Variants in HPCAL1 observed in about 807,000 individuals in gnomAD.
HPCAL1 encodes the protein hippocalcin-like protein 1.
In HPCAL1, 8 loss-of-function variants were observed where a neutral mutation model predicts 17.1. The ratio of observed to expected loss-of-function variants is 0.47; its 90% CI spans 0.27 to 0.84. HPCAL1 has a LOEUF of 0.84. Among genes scored for constraint, HPCAL1 ranks in the 40% least tolerant of loss-of-function variants. The probability of loss-of-function intolerance (pLI) is 0.13; values close to 1 mark genes in which losing one functional copy is unlikely to be tolerated. For missense variants in HPCAL1, 165 were observed against 271.1 expected, an observed-to-expected ratio of 0.61 and a Z score of 2.75; for synonymous variants, 112 against 111.4, an observed-to-expected ratio of 1.01 and a Z score of -0.03.
chr2:10,375,371 G>T (rs1667488538), intron 1 of HPCAL1, among the ~76,000 whole-genome samples: 1 of 152,196 alleles, frequency 6.6e-6, no homozygotes, highest in Non-Finnish European at 1.5e-5. Flanking sequence ...TGGACACTCA[G>T]TGGCCCCTCC....
At chr2:10,341,742 G>A (rs558344604) in intron 1 of HPCAL1, among the ~76,000 whole-genome samples, 33 of 152,270 alleles carry the variant, frequency 2.2e-4, no homozygotes, top group African/African-American at 7.7e-4. Flanking sequence ...GGCATTGGCT[G>A]GGTCCAACGC....
At chr2:10,397,093 G>A (rs1414586332) in intron 2 of HPCAL1, among the ~76,000 whole-genome samples, 173 bp downstream of exon 2, 1 of 152,198 alleles carries the variant, frequency 6.6e-6, no homozygotes, top group Non-Finnish European at 1.5e-5. Context: ...CCCCTAGACA[G>A]GTCAGGAAAC....
At chr2:10,375,869 G>A (rs1215484138) in intron 1 of HPCAL1, among the ~76,000 whole-genome samples, 4 of 152,166 alleles carry the variant, frequency 2.6e-5, no homozygotes, top group African/African-American at 7.2e-5. Flanking sequence ...GAGTAGCTGC[G>A]GAGACAATAA....
chr2:10,378,630 G>A lies in HPCAL1; in HGVS notation c.-110-18205G>A, dbSNP rs1247435174. 2.6e-5 allele frequency among the ~76,000 whole-genome samples: 4 copies of A among 152,148 alleles called. No individual in the cohort carries two copies. The East Asian group carries it at 5.8e-4, about 22-fold the overall frequency. On this transcript the variant is annotated intron_variant, in intron 1 of 4. Transcript: ENST00000307845. Reference sequence around the variant, plus strand: ...GGGGCCTCACTCTCCTGACCTCACCGCAACCTAATTACTTTCCAAAGGCCC... The same window carrying A: ...GGGGCCTCACTCTCCTGACCTCACCACAACCTAATTACTTTCCAAAGGCCC...
At chr2:10,399,436 CCACCAT>C (rs1669384639) in intron 2 of HPCAL1, among the ~76,000 whole-genome samples, 2 of 76,612 alleles carry the variant, frequency 2.6e-5, no homozygotes, top group African/African-American at 4.1e-5. Context: ...ACCACCACCA[CCACCAT>C]CACCATCACC....
At chr2:10,329,505 C>T (rs2125416125) in intron 1 of HPCAL1, among the ~76,000 whole-genome samples, 1 of 152,326 alleles carries the variant, frequency 6.6e-6, no homozygotes, top group Non-Finnish European at 1.5e-5. Context: ...TGGTGGCCTA[C>T]AGAGGCTGGA....
intron 1 of HPCAL1, among the ~76,000 whole-genome samples, chr2:10,321,221 C>G (rs888967501): frequency 6.6e-6 from 1 of 152,122 alleles, no homozygotes; most frequent in Non-Finnish European, 1.5e-5. Flanking sequence ...AGGTGCCACA[C>G]ACTTTTAAAC....
At chr2:10,368,172 T>C (rs1197169672) in intron 1 of HPCAL1, among the ~76,000 whole-genome samples, 2 of 151,750 alleles carry the variant, frequency 1.3e-5, no homozygotes, top group African/African-American at 4.8e-5. Context: ...GTGTGCATTG[T>C]GTGTAGGTTT....
chr2:10,326,824 C>T (rs935489453), intron 1 of HPCAL1, among the ~76,000 whole-genome samples: 4 of 152,132 alleles, frequency 2.6e-5, no homozygotes, highest in East Asian at 1.9e-4. Context: ...GGCTGGTGCT[C>T]GCTGACAGAT....
rs1670862413 is a variant in HPCAL1, at chr2:10,419,036, C to A, written c.-24-698C>A. 6.6e-6 allele frequency among the ~76,000 whole-genome samples: 1 copy of A among 150,760 alleles called. No homozygotes were observed. The highest frequency in any genetic ancestry group is 1.5e-5 in the Non-Finnish European group (1 of 68,020). On this transcript the variant is annotated intron_variant, in intron 2 of 4. Transcript: ENST00000307845. The surrounding 1 kb of genome is among the most constrained non-coding windows in gnomAD (Gnocchi z 5.0). ...ACCAGCCTGGCCAACATGGTGAAAC[C>A]CTGTCTCTACTAAAAATACAAAAAA...
In HPCAL1 at chr2:10,384,948, C is replaced by T. The variant is rs545322515; in HGVS notation, c.-110-11887C>T. Among the ~76,000 whole-genome samples, 6 of 152,024 alleles carry T rather than the reference C, an allele frequency of 3.9e-5. No homozygotes were observed. The highest frequency in any genetic ancestry group is 5.9e-5 in the Non-Finnish European group (4 of 68,000). ...CATCCTGGCCAACATGGTGAAACCC[C>T]GTCTCTACTAAAAATACAAAAATTA... is the stretch of plus-strand genomic sequence containing the variant. On this transcript the variant is annotated intron_variant, in intron 1 of 4. Coordinates refer to ENST00000307845, the MANE Select transcript of HPCAL1 (RefSeq NM_002149.4). The surrounding 1 kb of genome is among the most constrained non-coding windows in gnomAD (Gnocchi z 4.4).
intron 2 of HPCAL1, among the ~76,000 whole-genome samples, chr2:10,400,875 G>A (rs1340266686): frequency 6.6e-6 from 1 of 152,228 alleles, no homozygotes; most frequent in Non-Finnish European, 1.5e-5. Flanking sequence ...TGGCCCTTCT[G>A]CAGGACCGCC....
At chr2:10,350,051 T>C (rs575425156) in intron 1 of HPCAL1, among the ~76,000 whole-genome samples, 1 of 152,228 alleles carries the variant, frequency 6.6e-6, no homozygotes, top group Non-Finnish European at 1.5e-5. Flanking sequence ...CATTCAACTC[T>C]GTTTCATAAA....
At chr2:10,412,792 G>A (rs1670435372) in intron 2 of HPCAL1, among the ~76,000 whole-genome samples, 1 of 152,178 alleles carries the variant, frequency 6.6e-6, no homozygotes, top group African/African-American at 2.4e-5. Flanking sequence ...CAGTTGCCCT[G>A]TTTCTCCTTC....
chr2:10,320,709 G>T (rs559797445), intron 1 of HPCAL1, among the ~76,000 whole-genome samples: 1 of 152,210 alleles, frequency 6.6e-6, no homozygotes, highest in Non-Finnish European at 1.5e-5. Context: ...ACATCAGTGG[G>T]CTCCACCTGG....
At position 10,427,218 on chromosome 2, in the gene HPCAL1, C is replaced by T. The variant is rs181311732; in HGVS notation, c.*397C>T. 5.6e-4 allele frequency: 117 copies of T among 208,814 alleles called. 1 individual carries two copies. The highest frequency in any genetic ancestry group is 3.6e-3 in the South Asian group (45 of 12,550). The allele number at this position is 208,814 out of a possible 1,614,324, so 12.9% of individuals were successfully genotyped here. On this transcript the variant is annotated 3_prime_UTR_variant, in exon 5 of 5. Coordinates refer to ENST00000307845, the MANE Select transcript of HPCAL1 (RefSeq NM_002149.4). ...CTCTGTGGGAAGGGTGGGGACGAGG[C>T]GTCGGGAGGGTATACAGGGAGCCCC...
chr2:10,341,471 C>T (rs910162494), intron 1 of HPCAL1, among the ~76,000 whole-genome samples: 1 of 151,552 alleles, frequency 6.6e-6, no homozygotes, highest in African/African-American at 2.4e-5. Flanking sequence ...ACAACAACAA[C>T]AAATTGTGGC....
At chr2:10,409,112 C>G (rs1200028612) in intron 2 of HPCAL1, among the ~76,000 whole-genome samples, 1 of 152,038 alleles carries the variant, frequency 6.6e-6, no homozygotes, top group Non-Finnish European at 1.5e-5. Flanking sequence ...TCGTCAAAAT[C>G]CGGCGTGTAT....
intron 1 of HPCAL1, among the ~76,000 whole-genome samples, chr2:10,347,932 G>A (rs752822655): frequency 3.3e-5 from 5 of 152,172 alleles, no homozygotes; most frequent in Non-Finnish European, 7.3e-5. Context: ...CATTTCAGAA[G>A]CCCTGGTTTA....
Sources: gnomAD v4.1 joint callset for allele counts (sites outside exome capture counted in the v4.1 genomes callset) on GRCh38, gnomAD v4.1.1 for gene constraint, Gnocchi (gnomAD v3.1) non-coding constraint, MANE v1.5 for transcripts, NCBI Gene and HGNC (gene_info 2026-07-23, HGNC 2026-07-21) for gene names.